The following IDE variants were observed in gnomAD, a reference collection of about 807,000 sequenced individuals.
The protein encoded by IDE is insulin degrading enzyme.
IDE carries 58 observed loss-of-function variants against 133.2 expected under a neutral mutation model. That is an observed-to-expected ratio of 0.44 (90% confidence interval 0.35 to 0.54). The LOEUF is 0.54. Ranked by LOEUF, IDE falls within the 20% of genes least tolerant of loss-of-function variation. The probability of loss-of-function intolerance (pLI) is 0.00; values close to 1 mark genes in which losing one functional copy is unlikely to be tolerated. For synonymous variants in IDE, 396 were observed against 421.3 expected (o/e 0.94, Z 0.73); for missense variants, 981 against 1,234.0 (o/e 0.79, Z 3.07).
chr10:92,568,491 T>C lies in IDE; in HGVS notation c.98+5431A>G, dbSNP rs151075505. Among the ~76,000 whole-genome samples, 522 of 152,210 alleles carry C rather than the reference T, an allele frequency of 3.4e-3. 1 individual carries two copies. The highest frequency in any genetic ancestry group is 0.012 in the African/African-American group (507 of 41,530). On this transcript the variant is annotated intron_variant, in intron 1 of 24. Coordinates refer to ENST00000265986, the MANE Select transcript of IDE (RefSeq NM_004969.4). Reference sequence around the variant, plus strand: ...GAAGTATTCAAATGTGATAAAACTATAAAGAAAACTAAGGAAATTGTTATC... The same window carrying C: ...GAAGTATTCAAATGTGATAAAACTACAAAGAAAACTAAGGAAATTGTTATC...
chr10:92,487,130 T>C, intron 13 of IDE, 66 bp downstream of exon 13: 1 of 1,479,034 alleles, frequency 6.8e-7, no homozygotes, highest in Non-Finnish European at 9.2e-7. Context: ...TAAGAAATCA[T>C]TTACCCAGTC....
At chr10:92,523,116 T>C (rs1020092433) in intron 4 of IDE, among the ~76,000 whole-genome samples, 1 of 152,138 alleles carries the variant, frequency 6.6e-6, no homozygotes. Flanking sequence ...CCTATGAACT[T>C]GGAATAAGCA....
intron 11 of IDE, among the ~76,000 whole-genome samples, chr10:92,491,369 C>A (rs1011598868): frequency 4.6e-5 from 7 of 152,028 alleles, no homozygotes; most frequent in Non-Finnish European, 7.4e-5. Context: ...ACACACATAC[C>A]CAAGAAACTT....
rs2135460551 is a variant in IDE, at chr10:92,490,572, A to C, written c.1454T>G (p.Phe485Cys). ...TTCTGTGCGATCAGTTTTTCCTTCAAAAGATTTAGAAACTATGGCAACCCT... is the reference window on the plus strand; with the variant it reads ...TTCTGTGCGATCAGTTTTTCCTTCACAAGATTTAGAAACTATGGCAACCCT... ...NVRVAIVSKS[F>C]EGKTDRTEEW... The change falls in exon 12 of 25, where the codon TTT becomes TGT. Residue 485 changes from phenylalanine to cysteine, a missense_variant. Coordinates refer to ENST00000265986, the MANE Select transcript of IDE (RefSeq NM_004969.4). 3.7e-6 allele frequency: 6 copies of C among 1,611,088 alleles called. No homozygotes were observed. The East Asian group carries it at 1.3e-4, about 36-fold the overall frequency.
chr10:92,564,444 G>A (rs1237764875), intron 1 of IDE, among the ~76,000 whole-genome samples: 2 of 151,894 alleles, frequency 1.3e-5, no homozygotes, highest in East Asian at 1.9e-4. Context: ...GGCAGAGGCC[G>A]GCAGATCACT....
intron 1 of IDE, among the ~76,000 whole-genome samples, chr10:92,559,595 T>C (rs1358215955): frequency 2.6e-5 from 4 of 152,184 alleles, no homozygotes; most frequent in Non-Finnish European, 2.9e-5. Context: ...GATGAGTGGC[T>C]GCCATGGGCT....
intron 13 of IDE, among the ~76,000 whole-genome samples, chr10:92,485,121 CTTTCTTT>C (rs1484120846): frequency 5.9e-5 from 6 of 101,438 alleles, no homozygotes; most frequent in African/African-American, 8.6e-5. Flanking sequence ...TTCTTTCTTT[CTTTCTTT>C]TTTTTTTTTT....
At chr10:92,487,617 T>C (rs147775400) in intron 12 of IDE, among the ~76,000 whole-genome samples, 1 of 152,234 alleles carries the variant, frequency 6.6e-6, no homozygotes, top group Non-Finnish European at 1.5e-5. Context: ...GACTGGTCCA[T>C]ATGCAGATCA....
intron 11 of IDE, among the ~76,000 whole-genome samples, chr10:92,493,393 CT>C (rs746219687): frequency 4.4e-3 from 598 of 137,352 alleles, no homozygotes; most frequent in Middle Eastern, 0.011. Context: ...CGCTTGATTT[CT>C]TTTTTTTTTT....
intron 1 of IDE, among the ~76,000 whole-genome samples, chr10:92,555,899 C>T (rs901582575): frequency 2.6e-5 from 4 of 152,156 alleles, no homozygotes; most frequent in African/African-American, 7.2e-5. Context: ...GTAGGCCGGG[C>T]GCGGTGGCTC....
At chr10:92,552,219 G>GA (rs1457079693) in intron 1 of IDE, among the ~76,000 whole-genome samples, 1 of 152,142 alleles carries the variant, frequency 6.6e-6, no homozygotes, top group African/African-American at 2.4e-5. Context: ...CAAATATTGT[G>GA]ACCTATTTTA....
chr10:92,550,604 T>G (rs571069140), intron 1 of IDE, among the ~76,000 whole-genome samples: 8 of 128,376 alleles, frequency 6.2e-5, no homozygotes, highest in African/African-American at 9.2e-5. Context: ...TGAGCAGAGA[T>G]AGCGCCACTA....
intron 10 of IDE, among the ~76,000 whole-genome samples, chr10:92,505,407 G>A (rs1848242926): frequency 6.6e-6 from 1 of 152,046 alleles, no homozygotes; most frequent in African/African-American, 2.4e-5. Context: ...GATGCTTTTT[G>A]GTAAGAGCAA....
At chr10:92,458,250 T>G (rs1474797170) in intron 22 of IDE, among the ~76,000 whole-genome samples, 2 of 152,222 alleles carry the variant, frequency 1.3e-5, no homozygotes, top group Admixed American at 6.5e-5. Flanking sequence ...GAAATCAGTT[T>G]AGAAAATGTT....
Position 92,468,895 on chromosome 10 carries a change from T to C in IDE, c.2304A>G (p.Glu768=). Residue 768 remains glutamate (E), a synonymous_variant, in exon 19 of 25, where the codon GAA becomes GAG. Coordinates refer to ENST00000265986, the MANE Select transcript of IDE (RefSeq NM_004969.4). ...TCTACTTACTGTCAGGGAGCTGAAC[T>C]TCTCTATACCGAACCAGCTGACTTG... ...LLPSQLVRYR[E]VQLPDRGWFV... 1.2e-6 allele frequency: 2 copies of C among 1,600,572 alleles called. No individual in the cohort carries two copies.
At chr10:92,480,170 C>T (rs1012245518) in intron 14 of IDE, among the ~76,000 whole-genome samples, 10 of 152,340 alleles carry the variant, frequency 6.6e-5, no homozygotes, top group Admixed American at 3.3e-4. Context: ...CCCCTGAGTT[C>T]GTGGCAGCAG....
At chr10:92,529,212 G>A (rs1386891446) in intron 4 of IDE, among the ~76,000 whole-genome samples, 3 of 152,258 alleles carry the variant, frequency 2.0e-5, no homozygotes, top group East Asian at 1.9e-4. Context: ...CTACTGCAAC[G>A]ATCACTTTTG....
intron 19 of IDE, among the ~76,000 whole-genome samples, chr10:92,466,892 A>T (rs868437726): frequency 2.2e-4 from 34 of 151,646 alleles, no homozygotes; most frequent in African/African-American, 7.8e-4. Context: ...TGCTGGGATT[A>T]CAGGTGTGAG....
At chr10:92,511,133 G>A (rs1310197599) in intron 5 of IDE, among the ~76,000 whole-genome samples, 3 of 124,310 alleles carry the variant, frequency 2.4e-5, no homozygotes. Flanking sequence ...GCAAGGTATT[G>A]CTCTGTTGCA....
Sources: gnomAD v4.1 joint callset for allele counts (sites outside exome capture counted in the v4.1 genomes callset) on GRCh38, gnomAD v4.1.1 for gene constraint, MANE v1.5 for transcripts, NCBI Gene and HGNC (gene_info 2026-07-23, HGNC 2026-07-21) for gene names.